AFF4: variants seen among roughly 807,000 people sequenced by gnomAD.
The protein encoded by AFF4 is ALF transcription elongation factor 4.
Under a neutral mutation model 124.8 loss-of-function variants are expected in AFF4, and 13 were observed. That is an observed-to-expected ratio of 0.10 (90% confidence interval 0.07 to 0.17). AFF4 has a LOEUF of 0.17. Among genes scored for constraint, AFF4 ranks in the 10% least tolerant of loss-of-function variants. The pLI, the probability that AFF4 is intolerant of heterozygous loss-of-function variation, is 1.00. For synonymous variants in AFF4, 477 were observed against 496.1 expected, an observed-to-expected ratio of 0.96 and a Z score of 0.51; for missense variants, 1,092 against 1,403.8, an observed-to-expected ratio of 0.78 and a Z score of 3.55.
At chr5:132,922,373 A>G (rs1437371075) in intron 5 of AFF4, among the ~76,000 whole-genome samples, 1 of 152,004 alleles carries the variant, frequency 6.6e-6, no homozygotes, top group Non-Finnish European at 1.5e-5. Context: ...AGCCATGATC[A>G]TGCCACTGCA....
At chr5:132,889,335 TA>T (rs76209897) in intron 13 of AFF4, among the ~76,000 whole-genome samples, 162 bp from the exon 14 acceptor site, 323 of 145,308 alleles carry the variant, frequency 2.2e-3, no homozygotes, top group African/African-American at 5.3e-3. Flanking sequence ...ATGTAAACTT[TA>T]AAAAAAAAAA....
intron 5 of AFF4, among the ~76,000 whole-genome samples, chr5:132,914,141 T>A (rs1324513873): frequency 1.3e-5 from 2 of 151,820 alleles, no homozygotes; most frequent in Non-Finnish European, 2.9e-5. Context: ...GGCAGGAGAA[T>A]CCTTTGAACC....
In AFF4 at chr5:132,883,579, A is replaced by AAGCT; in HGVS notation, c.3144-23_3144-20dup. On this transcript the variant is annotated intron_variant, in intron 19 of 20. Coordinates refer to ENST00000265343, the MANE Select transcript of AFF4 (RefSeq NM_014423.4). ...AGCTTTGCTACACAACAGAAATAGG[A>AAGCT]AGCTTGTTCATATGGACATGGTAAG... The AAGCT allele has an allele frequency of 6.2e-7, 1 of 1,608,730 alleles. No homozygotes were observed. The highest frequency in any genetic ancestry group is 8.5e-7 in the Non-Finnish European group (1 of 1,176,758).
chr5:132,904,440 A>C (rs772014816), intron 5 of AFF4, 36 bp from the exon 6 acceptor site: 1 of 1,561,436 alleles, frequency 6.4e-7, no homozygotes, highest in South Asian at 1.2e-5. Context: ...ACAAAGTTAC[A>C]CTAAAAAAGA....
chr5:132,903,455 G>A (rs1228848127), intron 6 of AFF4, among the ~76,000 whole-genome samples: 2 of 152,104 alleles, frequency 1.3e-5, no homozygotes, highest in Non-Finnish European at 2.9e-5. Flanking sequence ...ACTGCTCTTG[G>A]CAAAAAGAAT....
rs1346588494 is a variant in AFF4, at chr5:132,879,656, AG to A, written c.*1402del. ...AGATTTAAGGCACACCAAACATGAT[AG>A]GGGCATGAAAAATAAAGTATAGAGG... On this transcript the variant is annotated 3_prime_UTR_variant, in exon 21 of 21. Transcript: ENST00000265343. The A allele has an allele frequency of 4.8e-6, 1 of 209,064 alleles. No homozygotes were observed. Among genetic ancestry groups the A allele is most frequent in the Non-Finnish European group, 9.7e-6 (1 of 102,600 alleles). The allele number at this position is 209,064 out of a possible 1,614,324, so 13.0% of individuals were successfully genotyped here. A position where few individuals can be genotyped will look rare whatever the true frequency, so the allele number is the denominator to read the frequency against.
chr5:132,903,733 C>T (rs1760607227), intron 6 of AFF4: 1 of 152,172 alleles, frequency 6.6e-6, no homozygotes, highest in Non-Finnish European at 1.5e-5. Flanking sequence ...TAAAATGACC[C>T]TTCTTGTGCG....
intron 1 of AFF4, among the ~76,000 whole-genome samples, chr5:132,954,211 G>A (rs1761902677): frequency 6.6e-6 from 1 of 152,206 alleles, no homozygotes; most frequent in Non-Finnish European, 1.5e-5. Flanking sequence ...GATTTTGAAA[G>A]AAAACCATTT....
At chr5:132,886,228 C>T (rs1760115592) in intron 18 of AFF4, 82 bp downstream of exon 18, 2 of 1,214,406 alleles carry the variant, frequency 1.6e-6, no homozygotes, top group Admixed American at 2.0e-5. Context: ...TTTGCATAAA[C>T]ATGAGGGCAG....
chr5:132,957,034 A>C (rs1363757596), intron 1 of AFF4, among the ~76,000 whole-genome samples: 1 of 147,936 alleles, frequency 6.8e-6, no homozygotes, highest in Non-Finnish European at 1.5e-5. Context: ...AAAAAAAAAA[A>C]AAAAAAAAAA....
chr5:132,909,488 T>A (rs924288500), intron 5 of AFF4, among the ~76,000 whole-genome samples: 1 of 152,176 alleles, frequency 6.6e-6, no homozygotes, highest in Non-Finnish European at 1.5e-5. Flanking sequence ...AATTATTTTT[T>A]AAAAATACAT....
intron 8 of AFF4, 99 bp downstream of exon 8, chr5:132,899,488 C>A: frequency 3.7e-6 from 4 of 1,091,830 alleles, no homozygotes; most frequent in African/African-American, 1.6e-5. Context: ...TTATAAGAAA[C>A]TTATTTTAAG....
chr5:132,921,307 G>A (rs1761039090), intron 5 of AFF4, among the ~76,000 whole-genome samples: 1 of 152,036 alleles, frequency 6.6e-6, no homozygotes. Context: ...AAATCACAAT[G>A]AGGTACCACT....
chr5:132,897,048 T>A lies in AFF4; in HGVS notation c.1582A>T (p.Thr528Ser), dbSNP rs767985359. ...ATGGTTTTGGAGTCTCGTCCCGGAG[T>A]AGCGGAACTCGTTTCTTTAGGTCCA... ...TSGPKETSSA[T>S]PGRDSKTIQK... Residue 528 changes from threonine (T) to serine (S), a missense_variant, in exon 11 of 21, where the codon ACT becomes TCT. This residue lies in a region of AFF4 where 174 missense variants were observed against 205.9 expected (regional missense o/e 0.84). Transcript: ENST00000265343. 1.9e-6 allele frequency: 3 copies of A among 1,614,156 alleles called. No homozygotes were observed. The highest frequency in any genetic ancestry group is 3.3e-5 in the Admixed American group (2 of 60,026).
At chr5:132,945,213 C>A (rs542215200) in intron 1 of AFF4, 1 of 152,142 alleles carries the variant, frequency 6.6e-6, no homozygotes, top group Non-Finnish European at 1.5e-5. Flanking sequence ...GTTTTGTGAT[C>A]CATTTTCAGT....
At chr5:132,943,558 G>A (rs1193094904) in intron 1 of AFF4, 1 of 178,890 alleles carries the variant, frequency 5.6e-6, no homozygotes, top group East Asian at 1.6e-4. Context: ...TGTAGGCCAA[G>A]TGGAGACTGG....
At chr5:132,908,679 ATTG>A (rs531608875) in intron 5 of AFF4, among the ~76,000 whole-genome samples, 7 of 150,054 alleles carry the variant, frequency 4.7e-5, no homozygotes, top group Admixed American at 6.7e-5. Context: ...TGACAATATT[ATTG>A]TTATTTTCCT....
intron 5 of AFF4, among the ~76,000 whole-genome samples, chr5:132,925,238 A>T (rs893536075): frequency 6.6e-6 from 1 of 152,062 alleles, no homozygotes; most frequent in Non-Finnish European, 1.5e-5. Flanking sequence ...ATGTAAACAA[A>T]GATATAAAAG....
intron 1 of AFF4, among the ~76,000 whole-genome samples, chr5:132,937,409 T>G (rs1761457136): frequency 1.3e-5 from 2 of 152,200 alleles, no homozygotes. Flanking sequence ...TAGCCCAGAA[T>G]ATTAGAACCC....
Sources: gnomAD v4.1 joint callset for allele counts (sites outside exome capture counted in the v4.1 genomes callset) on GRCh38, gnomAD v4.1.1 for gene constraint, gnomAD v4.1.1 regional missense constraint, MANE v1.5 for transcripts, NCBI Gene and HGNC (gene_info 2026-07-23, HGNC 2026-07-21) for gene names.